The following DPP10 variants were observed in gnomAD, a reference collection of about 807,000 sequenced individuals.
The protein encoded by DPP10 is inactive dipeptidyl peptidase 10.
A neutral mutation model predicts 120.9 loss-of-function variants in DPP10; 33 were observed. The observed-to-expected ratio is 0.27, with a 90% CI of 0.21 to 0.37. The LOEUF (loss-of-function observed/expected upper bound fraction) is 0.37. Among genes scored for constraint, DPP10 ranks in the 10% least tolerant of loss-of-function variants. The pLI is 1.00. For missense variants in DPP10, 816 were observed against 942.8 expected (o/e 0.87, Z 1.76); for synonymous variants, 337 against 326.1 (o/e 1.03, Z -0.36).
At chr2:115,186,463 C>T (rs1049393555) in intron 1 of DPP10, among the ~76,000 whole-genome samples, 4 of 152,140 alleles carry the variant, frequency 2.6e-5, no homozygotes, top group Admixed American at 2.0e-4. Context: ...AGTCAATGCT[C>T]TGGGTGTCTT....
At chr2:115,670,212 G>A (rs1444597590) in intron 5 of DPP10, among the ~76,000 whole-genome samples, 1 of 151,928 alleles carries the variant, frequency 6.6e-6, no homozygotes, top group Non-Finnish European at 1.5e-5. Context: ...TCTCTCAAAG[G>A]CCCCATATCC....
At chr2:115,464,646 G>C (rs911776523) in intron 3 of DPP10, among the ~76,000 whole-genome samples, 1 of 152,086 alleles carries the variant, frequency 6.6e-6, no homozygotes, top group African/African-American at 2.4e-5. Context: ...ATTGCAAAGA[G>C]GAAAAACCCA....
intron 1 of DPP10, among the ~76,000 whole-genome samples, chr2:114,765,243 G>A (rs1680608049): frequency 6.6e-6 from 1 of 152,022 alleles, no homozygotes; most frequent in Admixed American, 6.6e-5. Flanking sequence ...CTCGTGTGGT[G>A]GTAAAATTAT....
At chr2:114,945,533 G>A (rs752801014) in intron 1 of DPP10, among the ~76,000 whole-genome samples, 25 of 152,158 alleles carry the variant, frequency 1.6e-4, no homozygotes, top group African/African-American at 4.6e-4. Context: ...TTGTAGCTTC[G>A]GCCGGGCATG....
intron 5 of DPP10, among the ~76,000 whole-genome samples, chr2:115,599,973 AG>A (rs2083223094): frequency 6.6e-6 from 1 of 152,190 alleles, no homozygotes; most frequent in Admixed American, 6.5e-5. Context: ...CACTGAATTA[AG>A]GGTTCCTTTT....
chr2:115,137,795 C>T (rs1348993567), intron 1 of DPP10, among the ~76,000 whole-genome samples: 1 of 152,172 alleles, frequency 6.6e-6, no homozygotes, highest in Non-Finnish European at 1.5e-5. Flanking sequence ...AGAAGTTATA[C>T]AGCCAAGTAC....
chr2:114,507,050 C>CTTTTTTTTTTTT (rs1227607834), intron 1 of DPP10, among the ~76,000 whole-genome samples: 1 of 124,764 alleles, frequency 8.0e-6, no homozygotes, highest in Non-Finnish European at 1.7e-5. Context: ...CTTTTTTTTT[C>CTTTTTTTTTTTT]TTTTTTTTTT....
intron 2 of DPP10, among the ~76,000 whole-genome samples, chr2:115,328,369 A>T (rs2062489772): frequency 6.6e-6 from 1 of 152,086 alleles, no homozygotes; most frequent in Non-Finnish European, 1.5e-5. Context: ...AGCATTTTGA[A>T]TGATTGACTA....
intron 11 of DPP10, among the ~76,000 whole-genome samples, chr2:115,755,423 G>C (rs1679270946): frequency 6.6e-6 from 1 of 151,996 alleles, no homozygotes; most frequent in Non-Finnish European, 1.5e-5. Flanking sequence ...GGAAAGGACA[G>C]CCTCTTTAGT....
intron 1 of DPP10, among the ~76,000 whole-genome samples, chr2:115,281,373 G>T (rs1574280963): frequency 6.6e-6 from 1 of 152,140 alleles, no homozygotes; most frequent in African/African-American, 2.4e-5. Flanking sequence ...TAGAGTAATT[G>T]TGTTTCAGTT....
intron 3 of DPP10, among the ~76,000 whole-genome samples, chr2:115,455,586 C>T (rs958938852): frequency 1.3e-5 from 2 of 152,070 alleles, no homozygotes; most frequent in Non-Finnish European, 2.9e-5. Context: ...GCTACAGTAA[C>T]CAAAACAGCA....
intron 1 of DPP10, among the ~76,000 whole-genome samples, chr2:114,894,829 T>C (rs954909668): frequency 2.6e-5 from 4 of 151,962 alleles, no homozygotes; most frequent in Non-Finnish European, 5.9e-5. Flanking sequence ...TGTAAAACTG[T>C]AAAAATACAA....
intron 1 of DPP10, among the ~76,000 whole-genome samples, chr2:114,909,988 A>G (rs1047108645): frequency 5.9e-5 from 9 of 151,860 alleles, no homozygotes; most frequent in Non-Finnish European, 1.5e-5. Context: ...ACTGAATTAC[A>G]TATCTATGTA....
chr2:115,571,483 T>G (rs984845188), intron 5 of DPP10, among the ~76,000 whole-genome samples: 3 of 152,170 alleles, frequency 2.0e-5, no homozygotes, highest in Non-Finnish European at 4.4e-5. Context: ...ACATGTAGTA[T>G]TTGGTTTTCT....
chr2:115,827,280 C>T (rs528729864), intron 21 of DPP10, among the ~76,000 whole-genome samples: 1,915 of 142,592 alleles, frequency 0.013, 43 homozygotes, highest in African/African-American at 0.046. Flanking sequence ...TGTATGTATA[C>T]ACATACATAT....
intron 1 of DPP10, among the ~76,000 whole-genome samples, chr2:115,177,749 G>T: frequency 8.9e-6 from 1 of 112,966 alleles, no homozygotes; most frequent in Non-Finnish European, 1.9e-5. Flanking sequence ...CTTTTGTTTT[G>T]TTTTGTTTTT....
At chr2:115,821,681 C>G (rs553575188) in intron 21 of DPP10, among the ~76,000 whole-genome samples, 16 of 151,104 alleles carry the variant, frequency 1.1e-4, no homozygotes, top group African/African-American at 3.9e-4. Context: ...TTATTTTTTT[C>G]TCTTTCATTC....
At chr2:115,416,904 G>T (rs1197534450) in intron 3 of DPP10, among the ~76,000 whole-genome samples, 1 of 152,162 alleles carries the variant, frequency 6.6e-6, no homozygotes, top group Non-Finnish European at 1.5e-5. Flanking sequence ...GACCTGAGAA[G>T]ACCGCTCAAG....
At chr2:115,615,375 C>T (rs936148644) in intron 5 of DPP10, among the ~76,000 whole-genome samples, 3 of 152,050 alleles carry the variant, frequency 2.0e-5, no homozygotes, top group African/African-American at 7.2e-5. Flanking sequence ...TTTGAGTCCC[C>T]CCAAAATGGA....
Sources: gnomAD v4.1 joint callset for allele counts (sites outside exome capture counted in the v4.1 genomes callset) on GRCh38, gnomAD v4.1.1 for gene constraint, MANE v1.5 for transcripts, NCBI Gene and HGNC (gene_info 2026-07-23, HGNC 2026-07-21) for gene names.